ATXN1: variants seen among roughly 807,000 people sequenced by gnomAD.
ATXN1 encodes ataxin-1.
A neutral mutation model predicts 56.4 loss-of-function variants in ATXN1; 8 were observed. The ratio of observed to expected loss-of-function variants is 0.14; its 90% CI spans 0.08 to 0.26. ATXN1 has a LOEUF of 0.26. ATXN1 is among the 10% of genes least tolerant of loss of function. The pLI is 1.00. For missense variants in ATXN1, 987 were observed against 1,106.5 expected, an observed-to-expected ratio of 0.89 and a Z score of 1.53; for synonymous variants, 514 against 494.6, an observed-to-expected ratio of 1.04 and a Z score of -0.52.
At chr6:16,733,188 A>G (rs1373538761) in intron 2 of ATXN1, among the ~76,000 whole-genome samples, 1 of 152,174 alleles carries the variant, frequency 6.6e-6, no homozygotes, top group East Asian at 1.9e-4. Flanking sequence ...TATTCCACTT[A>G]ATGGTTTTTG....
intron 6 of ATXN1, among the ~76,000 whole-genome samples, chr6:16,400,252 C>T (rs1758540191): frequency 6.6e-6 from 1 of 152,222 alleles, no homozygotes; most frequent in Non-Finnish European, 1.5e-5. Context: ...CTTGCTTCAG[C>T]CTTTCCTCAG....
chr6:16,426,369 T>C (rs887872753), intron 6 of ATXN1, among the ~76,000 whole-genome samples: 2 of 152,088 alleles, frequency 1.3e-5, no homozygotes, highest in Admixed American at 6.5e-5. Context: ...ATGGACCTTA[T>C]GGAGGAGCTG....
chr6:16,541,606 C>A (rs1200571761), intron 4 of ATXN1, among the ~76,000 whole-genome samples: 1 of 152,150 alleles, frequency 6.6e-6, no homozygotes, highest in African/African-American at 2.4e-5. Context: ...TTCTTCCAGG[C>A]GGCAGACTTC....
At chr6:16,618,065 T>A (rs1400452141) in intron 3 of ATXN1, among the ~76,000 whole-genome samples, 19 of 149,790 alleles carry the variant, frequency 1.3e-4, no homozygotes, top group Non-Finnish European at 2.7e-4. Context: ...AAAAAAAAAT[T>A]AAAAAAAAAT....
intron 6 of ATXN1, among the ~76,000 whole-genome samples, chr6:16,384,552 T>G (rs944409831): frequency 6.6e-6 from 1 of 152,238 alleles, no homozygotes; most frequent in South Asian, 2.1e-4. Context: ...GGTTGGCATT[T>G]GTGTCCCCAC....
intron 2 of ATXN1, among the ~76,000 whole-genome samples, chr6:16,662,418 T>G (rs1204120505): frequency 6.6e-6 from 1 of 152,174 alleles, no homozygotes. Flanking sequence ...CTGCAACCTC[T>G]GCCTCTCAGG....
intron 4 of ATXN1, among the ~76,000 whole-genome samples, chr6:16,530,526 C>T (rs1211687260): frequency 1.3e-5 from 2 of 152,110 alleles, no homozygotes; most frequent in East Asian, 1.9e-4. Context: ...CATCCATTGT[C>T]GGAATCTTAT....
chr6:16,431,908 AGC>A (rs1215304906), intron 6 of ATXN1, among the ~76,000 whole-genome samples: 1 of 152,224 alleles, frequency 6.6e-6, no homozygotes, highest in Non-Finnish European at 1.5e-5. Flanking sequence ...CAGATTCCTT[AGC>A]CTGCTTTTCT....
intron 4 of ATXN1, among the ~76,000 whole-genome samples, chr6:16,578,336 C>T (rs2113757430): frequency 6.6e-6 from 1 of 152,320 alleles, no homozygotes. Context: ...TTTTTAAAAA[C>T]TGTTGCTGCA....
chr6:16,488,622 GT>G (rs1422751474), intron 5 of ATXN1, among the ~76,000 whole-genome samples: 1 of 152,196 alleles, frequency 6.6e-6, no homozygotes, highest in African/African-American at 2.4e-5. Context: ...AAAATCAGTA[GT>G]TTGCTTTCTT....
At chr6:16,674,985 T>A (rs754330841) in intron 2 of ATXN1, among the ~76,000 whole-genome samples, 3 of 152,210 alleles carry the variant, frequency 2.0e-5, no homozygotes, top group African/African-American at 4.8e-5. Context: ...AGCAGTAAAC[T>A]GGAAACATAG....
At chr6:16,707,976 T>TA (rs1759441676) in intron 2 of ATXN1, among the ~76,000 whole-genome samples, 2 of 152,064 alleles carry the variant, frequency 1.3e-5, no homozygotes, top group Non-Finnish European at 2.9e-5. Context: ...TAAAAATGAT[T>TA]ACAGTAAGGA....
At chr6:16,341,260 G>C (rs1049404464) in intron 6 of ATXN1, among the ~76,000 whole-genome samples, 1 of 152,172 alleles carries the variant, frequency 6.6e-6, no homozygotes, top group Non-Finnish European at 1.5e-5. Flanking sequence ...TGTATCAGTG[G>C]CAGCAGCTCT....
intron 6 of ATXN1, among the ~76,000 whole-genome samples, chr6:16,421,851 T>C (rs1329810572): frequency 2.0e-5 from 3 of 152,138 alleles, no homozygotes; most frequent in African/African-American, 7.2e-5. Context: ...ACTGTGCATG[T>C]ATATGTACAC....
chr6:16,505,937 A>G (rs1760975554), intron 5 of ATXN1, among the ~76,000 whole-genome samples: 1 of 152,212 alleles, frequency 6.6e-6, no homozygotes, highest in East Asian at 1.9e-4. Flanking sequence ...ATGATGTTAC[A>G]ATAAGCAGCA....
intron 6 of ATXN1, among the ~76,000 whole-genome samples, chr6:16,408,021 T>C (rs370568979): frequency 2.0e-5 from 3 of 152,210 alleles, no homozygotes; most frequent in Middle Eastern, 3.4e-3. Context: ...GCATGCGGGA[T>C]TGGGGGCATG....
At chr6:16,637,777 G>T (rs1174683182) in intron 3 of ATXN1, among the ~76,000 whole-genome samples, 1 of 152,198 alleles carries the variant, frequency 6.6e-6, no homozygotes, top group African/African-American at 2.4e-5. Context: ...CAGGCAAATC[G>T]CAAGTTGTTG....
intron 7 of ATXN1, among the ~76,000 whole-genome samples, chr6:16,307,618 G>T (rs1024768928): frequency 6.6e-6 from 1 of 150,962 alleles, no homozygotes; most frequent in Admixed American, 6.6e-5. Flanking sequence ...ATGTTGCAGC[G>T]AGCCGAGATC....
chr6:16,645,956 A>C, intron 3 of ATXN1, among the ~76,000 whole-genome samples: 1 of 152,240 alleles, frequency 6.6e-6, no homozygotes, highest in East Asian at 1.9e-4. Context: ...GTGGTGGCAC[A>C]TGCCCATAAT....
Sources: gnomAD v4.1 joint callset for allele counts (sites outside exome capture counted in the v4.1 genomes callset) on GRCh38, gnomAD v4.1.1 for gene constraint, MANE v1.5 for transcripts, NCBI Gene and HGNC (gene_info 2026-07-23, HGNC 2026-07-21) for gene names.